Variants in ADD3 observed in about 807,000 individuals in gnomAD.
ADD3 encodes the protein gamma-adducin.
Under a neutral mutation model 80.2 loss-of-function variants are expected in ADD3, and 25 were observed. That is an observed-to-expected ratio of 0.31 (90% CI 0.23 to 0.44). The LOEUF (loss-of-function observed/expected upper bound fraction) is 0.44. ADD3 is among the 20% of genes least tolerant of loss of function. The pLI, the probability that ADD3 is intolerant of heterozygous loss-of-function variation, is 1.00. For missense variants in ADD3, 829 were observed against 847.5 expected (o/e 0.98, Z 0.27); for synonymous variants, 284 against 289.6 (o/e 0.98, Z 0.20).
chr10:110,038,602 T>C (rs1284557924), intron 1 of ADD3, among the ~76,000 whole-genome samples: 3 of 152,232 alleles, frequency 2.0e-5, no homozygotes, highest in Non-Finnish European at 2.9e-5. Flanking sequence ...TTTTAGCTGC[T>C]CTTTAAAAGC....
rs112948166 is a variant in ADD3, at chr10:110,110,694, A to AT, written c.196-2071dup. ...CCTTATCACCATGAGCTCGTATGCC[A>AT]TTTTTTTTTTTTAAAGTTCCTGGCT... On this transcript the variant is annotated intron_variant, in intron 2 of 14. Coordinates refer to ENST00000356080, the MANE Select transcript of ADD3 (RefSeq NM_016824.5). Among the ~76,000 whole-genome samples the AT allele has an allele frequency of 2.1e-3, 308 of 145,176 alleles. 2 individuals carry two copies. Among genetic ancestry groups the AT allele is most frequent in the East Asian group, 9.7e-3 (49 of 5,052 alleles).
intron 12 of ADD3, among the ~76,000 whole-genome samples, chr10:110,130,088 G>C (rs1046217277): frequency 2.0e-5 from 3 of 151,810 alleles, no homozygotes; most frequent in African/African-American, 7.3e-5. Flanking sequence ...ATTAGAACTT[G>C]GCATAATGGT....
At chr10:110,128,059 T>C (rs1243014513) in intron 12 of ADD3, among the ~76,000 whole-genome samples, 1 of 151,196 alleles carries the variant, frequency 6.6e-6, no homozygotes, top group Non-Finnish European at 1.5e-5. Context: ...ATTTTTTTTT[T>C]TTTTTTTTTT....
At chr10:110,044,499 C>T (rs1466445691) in intron 1 of ADD3, among the ~76,000 whole-genome samples, 2 of 152,146 alleles carry the variant, frequency 1.3e-5, no homozygotes, top group Non-Finnish European at 2.9e-5. Context: ...TTCATGTATT[C>T]TTTGTTTAAT....
In ADD3 at chr10:110,094,781, C is replaced by A. The variant is rs568326524; in HGVS notation, c.-29-5844C>A. Among the ~76,000 whole-genome samples the A allele has an allele frequency of 2.0e-5, 3 of 152,236 alleles. No homozygotes were observed. In the East Asian group the frequency reaches 5.8e-4, roughly 29 times the overall value. ...AGTTGTTTTCTAGAACTTCAAATAA[C>A]TTTAAAATTTCATAGTAACTTTCAT... is the stretch of plus-strand genomic sequence containing the variant. On this transcript the variant is annotated intron_variant, in intron 1 of 14. Transcript: ENST00000356080.
chr10:110,043,575 A>AT (rs1856601893), intron 1 of ADD3, among the ~76,000 whole-genome samples: 2 of 152,172 alleles, frequency 1.3e-5, no homozygotes, highest in African/African-American at 4.8e-5. Flanking sequence ...TTGGAGCCAC[A>AT]TTTTTTCCAC....
At chr10:110,089,567 A>G (rs932163221) in intron 1 of ADD3, among the ~76,000 whole-genome samples, 11 of 152,126 alleles carry the variant, frequency 7.2e-5, no homozygotes, top group Non-Finnish European at 1.0e-4. Flanking sequence ...AATGTTCATT[A>G]TATTTTGTAG....
intron 2 of ADD3, among the ~76,000 whole-genome samples, chr10:110,109,083 T>C (rs1448982090): frequency 2.0e-5 from 3 of 152,220 alleles, no homozygotes; most frequent in African/African-American, 7.2e-5. Flanking sequence ...AAAAAGAGCA[T>C]TGGACTTGTG....
At chr10:110,025,761 C>T (rs1259802107) in intron 1 of ADD3, among the ~76,000 whole-genome samples, 3 of 152,242 alleles carry the variant, frequency 2.0e-5, no homozygotes, top group Non-Finnish European at 4.4e-5. Context: ...CACTTCATTA[C>T]ATTACGAGCC....
chr10:110,103,097 ATCT>A (rs1356423374), intron 2 of ADD3, among the ~76,000 whole-genome samples: 1 of 152,192 alleles, frequency 6.6e-6, no homozygotes, highest in African/African-American at 2.4e-5. Flanking sequence ...TGAATTTAAA[ATCT>A]TCTTTGTGAA....
At chr10:110,057,047 A>G (rs1858282817) in intron 1 of ADD3, among the ~76,000 whole-genome samples, 1 of 152,112 alleles carries the variant, frequency 6.6e-6, no homozygotes, top group Admixed American at 6.5e-5. Flanking sequence ...ACAGTTTCCA[A>G]TTATTTTCTC....
At chr10:110,121,088 G>C (rs1851435010) in intron 8 of ADD3, among the ~76,000 whole-genome samples, 1 of 151,974 alleles carries the variant, frequency 6.6e-6, no homozygotes, top group African/African-American at 2.4e-5. Context: ...ACATAGGCAT[G>C]GGCAAGGACT....
intron 1 of ADD3, among the ~76,000 whole-genome samples, chr10:110,026,410 A>G (rs1157307183): frequency 6.6e-6 from 1 of 151,568 alleles, no homozygotes; most frequent in Non-Finnish European, 1.5e-5. Flanking sequence ...CCTCCTGAGT[A>G]GCTGGGATTA....
In ADD3 at chr10:110,118,654, G is replaced by A. The variant is rs1412809874; in HGVS notation, c.635G>A (p.Gly212Glu). 1 of 1,613,728 alleles carries A rather than the reference G, an allele frequency of 6.2e-7. No homozygotes were observed. The highest frequency in any genetic ancestry group is 1.1e-5 in the South Asian group (1 of 91,076). Residue 212 changes from glycine to glutamate, a missense_variant, in exon 6 of 15, where the codon GGA becomes GAA. Transcript: ENST00000356080. ...ACCAATTTGAAAATTGACCATACAGGATTCAGTCCCCATGCTGCAATCTAT... is the reference window on the plus strand; with the variant it reads ...ACCAATTTGAAAATTGACCATACAGAATTCAGTCCCCATGCTGCAATCTAT... Reference protein sequence around the residue: ...GSTNLKIDHTGFSPHAAIYST... With the variant: ...GSTNLKIDHTEFSPHAAIYST...
chr10:110,051,701 A>G (rs1372862052), intron 1 of ADD3, among the ~76,000 whole-genome samples: 1 of 152,254 alleles, frequency 6.6e-6, no homozygotes, highest in East Asian at 1.9e-4. Context: ...AATGCATAGA[A>G]AGAATCACAG....
intron 3 of ADD3, among the ~76,000 whole-genome samples, chr10:110,115,657 GC>G (rs1328764804): frequency 1.3e-5 from 2 of 152,166 alleles, no homozygotes; most frequent in African/African-American, 4.8e-5. Flanking sequence ...TATCACATGG[GC>G]CTCGAGAAGA....
chr10:110,034,093 T>C (rs945730181), intron 1 of ADD3, among the ~76,000 whole-genome samples: 2 of 152,184 alleles, frequency 1.3e-5, no homozygotes, highest in African/African-American at 4.8e-5. Flanking sequence ...TTCCATCCCG[T>C]GGAGCTCCTG....
intron 1 of ADD3, among the ~76,000 whole-genome samples, chr10:110,019,357 C>CTTTTTTTTTTTTT (rs11392689): frequency 7.2e-6 from 1 of 138,284 alleles, no homozygotes. Flanking sequence ...TTTCTGTTTG[C>CTTTTTTTTTTTTT]TTTTTTTTTT....
intron 1 of ADD3, among the ~76,000 whole-genome samples, chr10:109,996,802 C>T (rs953552580): frequency 6.6e-6 from 1 of 152,146 alleles, no homozygotes; most frequent in East Asian, 1.9e-4. Flanking sequence ...ATGCGTTAAA[C>T]TTTCCTTCCT....
Sources: allele counts gnomAD v4.1 joint callset (sites outside exome capture counted in the v4.1 genomes callset), GRCh38; gene constraint gnomAD v4.1.1; transcripts MANE v1.5; gene names NCBI Gene and HGNC (gene_info 2026-07-23, HGNC 2026-07-21).